NCALD: variants seen among roughly 807,000 people sequenced by gnomAD.
NCALD encodes neurocalcin delta.
A neutral mutation model predicts 18.6 loss-of-function variants in NCALD; 10 were observed. The observed-to-expected ratio is 0.54, with a 90% CI of 0.33 to 0.91. The LOEUF is 0.91. Among genes scored for constraint, NCALD ranks in the 40% least tolerant of loss-of-function variants. The probability of loss-of-function intolerance (pLI) is 0.03; values close to 1 mark genes in which losing one functional copy is unlikely to be tolerated. For synonymous variants in NCALD, 88 were observed against 87.4 expected (o/e 1.01, Z -0.04); for missense variants, 184 against 247.6 (o/e 0.74, Z 1.72).
At chr8:101,758,507 T>C (rs1300000307) in intron 1 of NCALD, among the ~76,000 whole-genome samples, 1 of 152,222 alleles carries the variant, frequency 6.6e-6, no homozygotes, top group African/African-American at 2.4e-5. Flanking sequence ...CAATAAAAGC[T>C]ATGTATTAAT....
At chr8:102,049,179 T>A (rs1365412023) in intron 1 of NCALD, among the ~76,000 whole-genome samples, 1 of 152,184 alleles carries the variant, frequency 6.6e-6, no homozygotes. Flanking sequence ...TAGGTCCGCA[T>A]CTGCAGTTTC....
At chr8:101,916,196 A>G (rs998155697) in intron 2 of NCALD, among the ~76,000 whole-genome samples, 2 of 152,194 alleles carry the variant, frequency 1.3e-5, no homozygotes, top group Admixed American at 6.5e-5. Flanking sequence ...TTTTCAGTTC[A>G]GAGCAAGCAC....
chr8:101,702,653 A>T (rs1441052530), intron 2 of NCALD, among the ~76,000 whole-genome samples: 1 of 152,194 alleles, frequency 6.6e-6, no homozygotes, highest in Non-Finnish European at 1.5e-5. Context: ...TTGAAGACTT[A>T]TGGGAAGTTA....
At chr8:102,035,125 T>C (rs1586957064) in intron 1 of NCALD, among the ~76,000 whole-genome samples, 1 of 152,194 alleles carries the variant, frequency 6.6e-6, no homozygotes, top group East Asian at 1.9e-4. Context: ...AGTAATCTAG[T>C]GCAAGGTCTC....
At chr8:101,831,898 G>A (rs1467637326) in intron 4 of NCALD, among the ~76,000 whole-genome samples, 1 of 152,198 alleles carries the variant, frequency 6.6e-6, no homozygotes, top group Non-Finnish European at 1.5e-5. Context: ...CTCTGCACTG[G>A]CTGCTGCTGT....
At chr8:102,119,801 G>A (rs1231406620) in intron 1 of NCALD, among the ~76,000 whole-genome samples, 2 of 152,138 alleles carry the variant, frequency 1.3e-5, no homozygotes, top group African/African-American at 4.8e-5. Flanking sequence ...AATTCCTAAA[G>A]ACAGGGGACT....
chr8:101,723,908 T>G (rs1816467604), intron 1 of NCALD, among the ~76,000 whole-genome samples: 1 of 152,228 alleles, frequency 6.6e-6, no homozygotes, highest in Non-Finnish European at 1.5e-5. Flanking sequence ...TGTTGTTAAG[T>G]GTGCTACAAC....
chr8:101,749,340 G>T (rs1810555706), intron 1 of NCALD, among the ~76,000 whole-genome samples: 1 of 152,158 alleles, frequency 6.6e-6, no homozygotes, highest in Non-Finnish European at 1.5e-5. Flanking sequence ...ACTAATCCTG[G>T]AAGTGACCTC....
chr8:101,875,487 G>A (rs191091536), intron 4 of NCALD, among the ~76,000 whole-genome samples: 1 of 152,140 alleles, frequency 6.6e-6, no homozygotes, highest in East Asian at 1.9e-4. Flanking sequence ...GTGTCCCCTG[G>A]TTACTGGGGT....
chr8:101,808,059 G>C (rs1206533319), intron 4 of NCALD, among the ~76,000 whole-genome samples: 1 of 152,130 alleles, frequency 6.6e-6, no homozygotes, highest in Non-Finnish European at 1.5e-5. Context: ...GAAAAAAAGA[G>C]AAGTCTCAAA....
intron 4 of NCALD, among the ~76,000 whole-genome samples, chr8:101,804,528 A>G (rs1232556329): frequency 4.0e-5 from 5 of 124,470 alleles, no homozygotes; most frequent in Admixed American, 8.4e-5. Context: ...AACAAAGATT[A>G]TATAATATAT....
intron 2 of NCALD, among the ~76,000 whole-genome samples, chr8:102,001,879 C>A (rs1373927250): frequency 6.6e-6 from 1 of 152,176 alleles, no homozygotes; most frequent in Non-Finnish European, 1.5e-5. Context: ...GAGGGAAGCA[C>A]TAAACCTGGA....
intron 4 of NCALD, among the ~76,000 whole-genome samples, chr8:101,799,197 A>T (rs1044635530): frequency 6.6e-5 from 10 of 152,336 alleles, no homozygotes; most frequent in Middle Eastern, 3.4e-3. Context: ...ATAAAAAAAA[A>T]TTTTCAACAT....
intron 1 of NCALD, among the ~76,000 whole-genome samples, chr8:101,749,404 G>A (rs1374078388): frequency 2.6e-5 from 4 of 152,060 alleles, no homozygotes; most frequent in Non-Finnish European, 5.9e-5. Context: ...GGCTGACTGC[G>A]GCAAGAGTTC....
In NCALD at chr8:102,103,179, G is replaced by A. The variant is rs549022959; in HGVS notation, c.-210+21058C>T. 4.6e-5 allele frequency among the ~76,000 whole-genome samples: 7 copies of A among 152,064 alleles called. No individual in the cohort carries two copies. In the South Asian group the frequency reaches 1.2e-3, roughly 27 times the overall value. ...CCACGCCAACCTCCCAGCTGTCCCC[G>A]TGCCTTCCCTCCCCTCTACTGTACT... On this transcript the variant is annotated intron_variant, in intron 1 of 6. Transcript: ENST00000311028.
intron 1 of NCALD, among the ~76,000 whole-genome samples, chr8:101,742,488 T>A (rs890175277): frequency 6.6e-6 from 1 of 152,154 alleles, no homozygotes. Flanking sequence ...ATTATGCAAA[T>A]ATAGAATTTG....
intron 1 of NCALD, among the ~76,000 whole-genome samples, chr8:101,722,232 G>A (rs913159455): frequency 5.9e-5 from 9 of 152,178 alleles, no homozygotes; most frequent in Non-Finnish European, 1.0e-4. Context: ...AAATTGAACA[G>A]TCTAATATCT....
At chr8:102,045,524 T>C (rs1823207566) in intron 1 of NCALD, among the ~76,000 whole-genome samples, 3 of 152,270 alleles carry the variant, frequency 2.0e-5, no homozygotes, top group South Asian at 2.1e-4. Context: ...TACTGGTTTA[T>C]GGTAAACAGT....
intron 4 of NCALD, among the ~76,000 whole-genome samples, chr8:101,850,082 G>A (rs181221351): frequency 6.6e-6 from 1 of 152,144 alleles, no homozygotes; most frequent in Non-Finnish European, 1.5e-5. Flanking sequence ...AGCTCTGCCG[G>A]GTGTTATCCA....
Sources: gnomAD v4.1 joint callset for allele counts (sites outside exome capture counted in the v4.1 genomes callset) on GRCh38, gnomAD v4.1.1 for gene constraint, MANE v1.5 for transcripts, NCBI Gene and HGNC (gene_info 2026-07-23, HGNC 2026-07-21) for gene names.